PCDH15: variants seen among roughly 807,000 people sequenced by gnomAD.
PCDH15 encodes the protein protocadherin related 15.
Under a neutral mutation model 178.5 loss-of-function variants are expected in PCDH15, and 129 were observed. That is an observed-to-expected ratio of 0.72 (90% CI 0.63 to 0.84). PCDH15 has a LOEUF of 0.84. PCDH15 is among the 40% of genes least tolerant of loss of function. The pLI, the probability that PCDH15 is intolerant of heterozygous loss-of-function variation, is 0.00. For synonymous variants in PCDH15, 800 were observed against 732.0 expected, an observed-to-expected ratio of 1.09 and a Z score of -1.50; for missense variants, 2,230 against 2,099.9, an observed-to-expected ratio of 1.06 and a Z score of -1.21.
intron 3 of PCDH15, among the ~76,000 whole-genome samples, chr10:54,876,544 G>T (rs894935626): frequency 4.6e-5 from 7 of 152,076 alleles, no homozygotes; most frequent in Admixed American, 2.0e-4. Context: ...ATGGGAAGAG[G>T]TCAAAATGTC....
upstream of PCDH15, among the ~76,000 whole-genome samples, chr10:54,804,016 TAAAC>T (rs914350188): frequency 2.6e-5 from 4 of 151,952 alleles, no homozygotes; most frequent in African/African-American, 9.7e-5. Context: ...AAAGTGGTAA[TAAAC>T]AAAATAAGCT....
intron 2 of PCDH15, among the ~76,000 whole-genome samples, chr10:55,029,425 G>A (rs1481821099): frequency 1.3e-5 from 2 of 151,986 alleles, no homozygotes; most frequent in African/African-American, 4.8e-5. Flanking sequence ...TTAAATAAAT[G>A]ATGTAGTTTT....
chr10:54,840,787 G>A (rs1004582142), intron 3 of PCDH15, among the ~76,000 whole-genome samples: 2 of 151,694 alleles, frequency 1.3e-5, no homozygotes, highest in African/African-American at 4.8e-5. Context: ...GGAATACTTC[G>A]TTCAGACAAA....
At chr10:55,241,866 T>C (rs1204747782) in intron 1 of PCDH15, among the ~76,000 whole-genome samples, 1 of 152,222 alleles carries the variant, frequency 6.6e-6, no homozygotes, top group Non-Finnish European at 1.5e-5. Flanking sequence ...GAAAATAGTA[T>C]TCATTAGAAA....
At chr10:54,119,147 C>T (rs1351433587) in intron 15 of PCDH15, among the ~76,000 whole-genome samples, 1 of 151,960 alleles carries the variant, frequency 6.6e-6, no homozygotes, top group African/African-American at 2.4e-5. Flanking sequence ...GGTCCCTAAC[C>T]AAAATGGAAA....
chr10:54,391,921 G>A (rs553480487), intron 3 of PCDH15, among the ~76,000 whole-genome samples: 1 of 152,182 alleles, frequency 6.6e-6, no homozygotes. Flanking sequence ...ATATAGATTC[G>A]GGAGAAATTG....
intron 3 of PCDH15, among the ~76,000 whole-genome samples, chr10:54,392,017 T>G (rs1347787994): frequency 6.6e-6 from 1 of 152,166 alleles, no homozygotes; most frequent in African/African-American, 2.4e-5. Context: ...ACTGTGGTAC[T>G]GGACATTGTT....
intron 35 of PCDH15, among the ~76,000 whole-genome samples, chr10:53,812,786 AG>A (rs1203145376): frequency 2.6e-5 from 4 of 152,046 alleles, no homozygotes; most frequent in Non-Finnish European, 5.9e-5. Context: ...ACGAGAAGAG[AG>A]GGGGGAAAAG....
intron 2 of PCDH15, among the ~76,000 whole-genome samples, chr10:55,158,088 A>G (rs1489524495): frequency 5.7e-5 from 4 of 70,076 alleles, no homozygotes; most frequent in Non-Finnish European, 6.4e-5. Context: ...GTATATATAT[A>G]TATATATATA....
intron 3 of PCDH15, among the ~76,000 whole-genome samples, chr10:54,465,203 A>T (rs985028211): frequency 2.6e-5 from 4 of 152,188 alleles, no homozygotes; most frequent in African/African-American, 2.4e-5. Flanking sequence ...ACATGTAATG[A>T]TCATGTCATA....
intron 3 of PCDH15, among the ~76,000 whole-genome samples, chr10:54,385,742 C>A (rs1949838947): frequency 2.0e-5 from 3 of 151,878 alleles, no homozygotes; most frequent in Admixed American, 6.6e-5. Flanking sequence ...AAGTACTTGC[C>A]CTTTTTAAAA....
chr10:54,104,534 A>G (rs530133039), intron 15 of PCDH15, among the ~76,000 whole-genome samples: 36 of 152,244 alleles, frequency 2.4e-4, no homozygotes, highest in Admixed American at 2.0e-3. Context: ...TTCTGAAGCC[A>G]GGAGTTAGAA....
chr10:54,092,770 C>T (rs1289522366), intron 15 of PCDH15, among the ~76,000 whole-genome samples: 1 of 152,058 alleles, frequency 6.6e-6, no homozygotes, highest in Non-Finnish European at 1.5e-5. Context: ...TATCTGGAGA[C>T]TATATCTTAA....
intron 9 of PCDH15, among the ~76,000 whole-genome samples, chr10:54,222,504 T>A (rs1297239670): frequency 6.6e-6 from 1 of 152,240 alleles, no homozygotes; most frequent in East Asian, 1.9e-4. Context: ...TTGCTGTGTA[T>A]CAATAATATT....
intron 2 of PCDH15, among the ~76,000 whole-genome samples, chr10:54,971,705 G>A (rs181683549): frequency 1.7e-3 from 259 of 152,188 alleles, no homozygotes; most frequent in Middle Eastern, 3.4e-3. Flanking sequence ...ATTAATTTGC[G>A]TATCACCAGA....
intron 26 of PCDH15, among the ~76,000 whole-genome samples, chr10:53,888,328 ATATG>A (rs2081282720): frequency 1.1e-5 from 1 of 89,498 alleles, no homozygotes; most frequent in Non-Finnish European, 2.3e-5. Context: ...GTACGTATAT[ATATG>A]TACGTATATA....
At chr10:54,892,398 AT>A (rs1954478513) in intron 3 of PCDH15, among the ~76,000 whole-genome samples, 2 of 152,090 alleles carry the variant, frequency 1.3e-5, no homozygotes, top group Admixed American at 1.3e-4. Flanking sequence ...ATATTTTAAA[AT>A]TAAAAGCTAT....
At chr10:53,948,039 A>G (rs530832131) in intron 23 of PCDH15, among the ~76,000 whole-genome samples, 10 of 152,302 alleles carry the variant, frequency 6.6e-5, no homozygotes, top group African/African-American at 2.4e-4. Flanking sequence ...TTACTAAAGT[A>G]CAGAAGATCC....
intron 2 of PCDH15, chr10:55,575,774 C>A (rs1842485830): frequency 6.6e-6 from 1 of 152,174 alleles, no homozygotes; most frequent in Non-Finnish European, 1.5e-5. Flanking sequence ...AATTCACGAA[C>A]AATTCCCTTT....
Sources: gnomAD v4.1 joint callset for allele counts (sites outside exome capture counted in the v4.1 genomes callset) on GRCh38, gnomAD v4.1.1 for gene constraint, MANE v1.5 for transcripts, NCBI Gene and HGNC (gene_info 2026-07-23, HGNC 2026-07-21) for gene names.